BCORL1: variants seen among roughly 807,000 people sequenced by gnomAD.
The protein encoded by BCORL1 is BCL6 corepressor like 1, also known as BCL-6 corepressor-like protein 1.
A neutral mutation model predicts 87.6 loss-of-function variants in BCORL1; 7 were observed. The ratio of observed to expected loss-of-function variants is 0.08; its 90% CI spans 0.05 to 0.15. BCORL1 has a LOEUF of 0.15. Ranked by LOEUF, BCORL1 falls within the 10% of genes least tolerant of loss-of-function variation. The pLI, the probability that BCORL1 is intolerant of heterozygous loss-of-function variation, is 1.00. For missense variants in BCORL1, 1,215 were observed against 1,499.7 expected (o/e 0.81, Z 3.13); for synonymous variants, 591 against 634.4 (o/e 0.93, Z 1.03).
At chrX:130,039,349 A>C in intron 11 of BCORL1, 67 bp downstream of exon 11, 1 of 1,156,861 alleles carries the variant, frequency 8.6e-7, no homozygotes, top group African/African-American at 1.8e-5. Flanking sequence ...ACTTGTGAGG[A>C]CATCCTCTTC....
chrX:130,007,461 T>C (rs1387098539), intron 2 of BCORL1, among the ~76,000 whole-genome samples: 3 of 112,494 alleles, frequency 2.7e-5, no homozygotes, highest in Non-Finnish European at 5.6e-5. Context: ...TAGTTATAAG[T>C]AGTTGAGACT....
At chrX:130,047,100 G>C (rs1002412674) in intron 11 of BCORL1, among the ~76,000 whole-genome samples, 1 of 111,565 alleles carries the variant, frequency 9.0e-6, no homozygotes, top group Non-Finnish European at 1.9e-5. Flanking sequence ...TTTTATGGCT[G>C]ACTAATATTC....
At chrX:130,011,634 TA>T (rs1474302055) in intron 2 of BCORL1, among the ~76,000 whole-genome samples, 1 of 88,760 alleles carries the variant, frequency 1.1e-5, no homozygotes, top group African/African-American at 5.2e-5. Context: ...TACAATTTTC[TA>T]TGATGCTTAC....
At chrX:129,988,813 G>GT (rs1436395136) in intron 1 of BCORL1, among the ~76,000 whole-genome samples, 1 of 111,691 alleles carries the variant, frequency 9.0e-6, no homozygotes, top group Non-Finnish European at 1.9e-5. Context: ...GTTGAGTTTT[G>GT]TTATAATGCT....
intron 2 of BCORL1, among the ~76,000 whole-genome samples, chrX:130,007,897 G>A (rs144304422): frequency 0.024 from 2,711 of 112,456 alleles, 36 homozygotes; most frequent in Non-Finnish European, 0.039. Context: ...GGAGCAGGAA[G>A]TAGGCTCAAA....
intron 11 of BCORL1, among the ~76,000 whole-genome samples, chrX:130,043,847 G>A (rs1222850098): frequency 1.2e-5 from 1 of 82,234 alleles, no homozygotes; most frequent in Non-Finnish European, 2.3e-5. Flanking sequence ...TCGGCTCACT[G>A]CAAGCTCTGC....
intron 10 of BCORL1, among the ~76,000 whole-genome samples, chrX:130,038,086 C>T (rs1259345640): frequency 9.1e-6 from 1 of 110,383 alleles, no homozygotes. Flanking sequence ...TAAGGGGAGG[C>T]TGTGGTTGTC....
intron 12 of BCORL1, among the ~76,000 whole-genome samples, 156 bp downstream of exon 12, chrX:130,050,950 C>G (rs780887719): frequency 9.0e-6 from 1 of 111,721 alleles, no homozygotes; most frequent in African/African-American, 3.3e-5. Context: ...AGTCATTTGT[C>G]GAAACTGGGA....
At chrX:129,990,467 G>A (rs1004286404) in intron 1 of BCORL1, among the ~76,000 whole-genome samples, 1 of 110,639 alleles carries the variant, frequency 9.0e-6, no homozygotes, top group Non-Finnish European at 1.9e-5. Flanking sequence ...TCCTCACCTC[G>A]TGATCCGCCC....
intron 1 of BCORL1, among the ~76,000 whole-genome samples, chrX:129,986,340 G>A (rs1926619993): frequency 8.9e-6 from 1 of 112,127 alleles, no homozygotes; most frequent in African/African-American, 3.2e-5. Context: ...ATAGGGCAGA[G>A]TGGAGGGAGT....
chrX:130,014,866 C>T lies in BCORL1; in HGVS notation c.2094C>T (p.Asp698=), dbSNP rs1480419620. The T allele has an allele frequency of 8.3e-7, 1 of 1,211,562 alleles. No homozygotes were observed. The highest frequency in any genetic ancestry group is 1.1e-6 in the Non-Finnish European group (1 of 895,475). Residue 698 remains aspartate (D), a synonymous_variant, in exon 4 of 14, where the codon GAC becomes GAT. Transcript: ENST00000540052. ...VIFPEIVRNG[D]PSTWVKNSTA... is the part of the protein sequence containing the mutation. ...TTCCCGAGATCGTGAGGAATGGGGA[C>T]CCGAGCACCTGGGTGAAGAACTCAA... is the stretch of plus-strand genomic sequence containing the variant.
chrX:130,043,925 A>C (rs1215646431), intron 11 of BCORL1, among the ~76,000 whole-genome samples: 1 of 101,728 alleles, frequency 9.8e-6, no homozygotes, highest in African/African-American at 3.6e-5. Context: ...GCCCGCCACC[A>C]TGCCCGGCTA....
intron 10 of BCORL1, among the ~76,000 whole-genome samples, chrX:130,038,520 C>T (rs963531045): frequency 2.5e-4 from 27 of 107,685 alleles, no homozygotes; most frequent in Non-Finnish European, 4.8e-4. Context: ...CTCACTCTGT[C>T]GCCCAGGCTG....
intron 1 of BCORL1, among the ~76,000 whole-genome samples, chrX:129,996,268 A>G (rs1253259517): frequency 9.0e-6 from 1 of 111,432 alleles, no homozygotes; most frequent in Non-Finnish European, 1.9e-5. Flanking sequence ...GGCCACGCCT[A>G]TCCTCTAGAG....
chrX:129,986,569 A>C (rs1408896965), intron 1 of BCORL1, among the ~76,000 whole-genome samples: 1 of 112,294 alleles, frequency 8.9e-6, no homozygotes, highest in African/African-American at 3.2e-5. Context: ...CTGTAACCCC[A>C]GCAGTTTGGG....
chrX:130,005,916 G>T (rs949923921), intron 2 of BCORL1, among the ~76,000 whole-genome samples: 2 of 110,654 alleles, frequency 1.8e-5, no homozygotes, highest in African/African-American at 6.6e-5. Context: ...GTGAGCCACT[G>T]CCCATGCCTG....
chrX:130,044,195 C>T (rs1330838960), intron 11 of BCORL1, among the ~76,000 whole-genome samples: 10 of 110,264 alleles, frequency 9.1e-5, no homozygotes, highest in South Asian at 3.8e-4. Flanking sequence ...TGAGCCACCG[C>T]GCCCAGCCTG....
In BCORL1 at chrX:130,012,640, A is replaced by G. The variant is rs1438715716; in HGVS notation, c.149A>G (p.Glu50Gly). The G allele has an allele frequency of 8.3e-7, 1 of 1,209,767 alleles. No individual in the cohort carries two copies. The highest frequency in any genetic ancestry group is 1.7e-5 in the African/African-American group (1 of 57,277). Residue 50 changes from glutamate (E) to glycine (G), a missense_variant, in exon 3 of 14, where the codon GAG becomes GGG. Glu to Gly is a moderately conservative substitution (Grantham distance 98, BLOSUM62 -2). This residue lies in a region of BCORL1 where 861 missense variants were observed against 1,010.0 expected (regional missense o/e 0.85). Coordinates refer to ENST00000540052, the MANE Select transcript of BCORL1 (RefSeq NM_001379451.1). ...GACTGCCAGCACTTTGGATCTCAGG[A>G]GTTTTGTGTCAGCAGCAGTTTTTCC... ...TGDCQHFGSQEFCVSSSFSKV... is the reference protein window; with the variant it reads ...TGDCQHFGSQGFCVSSSFSKV...
chrX:130,000,763 G>C (rs1239108611), intron 1 of BCORL1, among the ~76,000 whole-genome samples: 1 of 112,570 alleles, frequency 8.9e-6, no homozygotes, highest in Non-Finnish European at 1.9e-5. Context: ...TGCAATTACA[G>C]AGATGCAAAA....
Sources: gnomAD v4.1 joint callset for allele counts (sites outside exome capture counted in the v4.1 genomes callset) on GRCh38, gnomAD v4.1.1 for gene constraint, gnomAD v4.1.1 regional missense constraint, MANE v1.5 for transcripts, NCBI Gene and HGNC (gene_info 2026-07-23, HGNC 2026-07-21) for gene names.